Variants in CNTNAP2 observed in about 807,000 individuals in gnomAD.
The protein encoded by CNTNAP2 is contactin associated protein 2.
A neutral mutation model predicts 155.2 loss-of-function variants in CNTNAP2; 98 were observed. The ratio of observed to expected loss-of-function variants is 0.63; its 90% confidence interval spans 0.54 to 0.75. CNTNAP2 has a LOEUF of 0.75. Ranked by LOEUF, CNTNAP2 falls within the 30% of genes least tolerant of loss-of-function variation. The probability of loss-of-function intolerance (pLI) is 0.00; values close to 1 mark genes in which losing one functional copy is unlikely to be tolerated. For missense variants in CNTNAP2, 1,727 were observed against 1,688.1 expected, an observed-to-expected ratio of 1.02 and a Z score of -0.40; for synonymous variants, 651 against 631.2, an observed-to-expected ratio of 1.03 and a Z score of -0.47.
intron 12 of CNTNAP2, among the ~76,000 whole-genome samples, chr7:147,574,906 C>G (rs183293556): frequency 6.6e-6 from 1 of 152,198 alleles, no homozygotes; most frequent in Non-Finnish European, 1.5e-5. Context: ...GTCAAACAGC[C>G]TTAATGCAGT....
rs1416168750 is a variant in CNTNAP2 at position 148,172,414 on chromosome 7, G to C, written c.2946G>C (p.Glu982Asp). The change falls in exon 18 of 24, where the codon GAG (glutamate) becomes GAC (aspartate). Residue 982 changes from glutamate to aspartate, a missense_variant. Coordinates refer to ENST00000361727, the MANE Select transcript of CNTNAP2 (RefSeq NM_014141.6). ...TNCENGGKCL[E>D]RYHGYSCDCS... ...GTGAAAATGGAGGCAAATGCCTAGAGAGATACCACGGTTACTCCTGCGATT... is the reference window on the plus strand; with the variant it reads ...GTGAAAATGGAGGCAAATGCCTAGACAGATACCACGGTTACTCCTGCGATT... 1 of 1,614,184 alleles carries C rather than the reference G, an allele frequency of 6.2e-7. No homozygotes were observed. Among genetic ancestry groups the C allele is most frequent in the South Asian group, 1.1e-5 (1 of 91,088 alleles).
chr7:147,634,590 C>T (rs973217701), intron 12 of CNTNAP2, among the ~76,000 whole-genome samples: 1 of 151,774 alleles, frequency 6.6e-6, no homozygotes, highest in East Asian at 1.9e-4. Context: ...CCCCAAAATA[C>T]TGAAATGAAA....
chr7:148,272,599 A>C (rs1257865882), intron 21 of CNTNAP2, among the ~76,000 whole-genome samples: 1 of 152,224 alleles, frequency 6.6e-6, no homozygotes, highest in East Asian at 1.9e-4. Flanking sequence ...TAAAAATAAT[A>C]AGATGAAATG....
chr7:147,109,170 G>A (rs996648774), intron 5 of CNTNAP2, among the ~76,000 whole-genome samples: 4 of 151,380 alleles, frequency 2.6e-5, no homozygotes, highest in African/African-American at 7.3e-5. Flanking sequence ...TATGAGAGTC[G>A]CAGCAGAACT....
chr7:146,434,509 ATAATC>A (rs1796215010), intron 1 of CNTNAP2, among the ~76,000 whole-genome samples: 1 of 152,160 alleles, frequency 6.6e-6, no homozygotes, highest in Non-Finnish European at 1.5e-5. Context: ...ATTTATGTGA[ATAATC>A]TAAGTTTCTT....
At chr7:147,397,094 ACTT>A (rs1452395682) in intron 10 of CNTNAP2, among the ~76,000 whole-genome samples, 1 of 152,076 alleles carries the variant, frequency 6.6e-6, no homozygotes, top group Admixed American at 6.6e-5. Flanking sequence ...GTAAGATAGA[ACTT>A]CTATAAAGCC....
intron 1 of CNTNAP2, among the ~76,000 whole-genome samples, chr7:146,441,311 G>A (rs1796317688): frequency 6.6e-6 from 1 of 151,444 alleles, no homozygotes; most frequent in Non-Finnish European, 1.5e-5. Context: ...TTTTTGGGGG[G>A]TTTGTGACTA....
intron 15 of CNTNAP2, among the ~76,000 whole-genome samples, chr7:148,015,829 A>C (rs538951780): frequency 2.0e-5 from 3 of 152,206 alleles, no homozygotes; most frequent in Non-Finnish European, 4.4e-5. Context: ...TTAAAATGAA[A>C]GTTTCCAGGT....
At chr7:146,544,100 A>T (rs1193012621) in intron 1 of CNTNAP2, among the ~76,000 whole-genome samples, 2 of 152,010 alleles carry the variant, frequency 1.3e-5, no homozygotes, top group African/African-American at 2.4e-5. Flanking sequence ...CTAATAATTA[A>T]AACTGGGACA....
intron 1 of CNTNAP2, among the ~76,000 whole-genome samples, chr7:146,559,922 C>T (rs950868137): frequency 1.3e-5 from 2 of 152,178 alleles, no homozygotes; most frequent in African/African-American, 4.8e-5. Flanking sequence ...CACCCACACA[C>T]ATTTACATAT....
intron 12 of CNTNAP2, among the ~76,000 whole-genome samples, chr7:147,614,628 T>A (rs1801247472): frequency 6.6e-6 from 1 of 151,532 alleles, no homozygotes; most frequent in Non-Finnish European, 1.5e-5. Context: ...TATTATTATG[T>A]TTTACTTTCT....
rs557842891 is a variant in CNTNAP2, at chr7:146,444,245, A to T, written c.97+327272A>T. Among the ~76,000 whole-genome samples the T allele has an allele frequency of 2.6e-5, 4 of 152,084 alleles. No individual in the cohort carries two copies. The South Asian group carries it at 8.3e-4, about 32-fold the overall frequency. On this transcript the variant is annotated intron_variant, in intron 1 of 23. Coordinates refer to ENST00000361727, the MANE Select transcript of CNTNAP2 (RefSeq NM_014141.6). ...TCACCACGTTGGCCAGGCTGGTCTC[A>T]AACGCCTGACCTCAAGTGATCCACC...
chr7:147,985,112 C>CA (rs34533873), intron 15 of CNTNAP2, among the ~76,000 whole-genome samples: 35,952 of 129,774 alleles, frequency 0.28, 5,639 homozygotes, highest in East Asian at 0.57. Context: ...AAGACTCTGT[C>CA]AAAAAATAAA....
chr7:146,679,341 T>C (rs911651302), intron 1 of CNTNAP2, among the ~76,000 whole-genome samples: 1 of 122,938 alleles, frequency 8.1e-6, no homozygotes, highest in Non-Finnish European at 1.7e-5. Context: ...GGACATGATC[T>C]TGTTTCTTTT....
chr7:147,218,549 C>A (rs979256843), intron 8 of CNTNAP2, among the ~76,000 whole-genome samples: 2 of 145,102 alleles, frequency 1.4e-5, no homozygotes, highest in Admixed American at 7.0e-5. Context: ...ATTTTAGGAT[C>A]TTCCAGCTAT....
chr7:147,440,718 A>T (rs937513820), intron 10 of CNTNAP2, among the ~76,000 whole-genome samples: 1 of 152,148 alleles, frequency 6.6e-6, no homozygotes, highest in African/African-American at 2.4e-5. Flanking sequence ...CGTTCGAAGG[A>T]TATTTTCACC....
intron 1 of CNTNAP2, among the ~76,000 whole-genome samples, chr7:146,125,433 G>C (rs1290379334): frequency 6.6e-6 from 1 of 151,478 alleles, no homozygotes; most frequent in Admixed American, 6.6e-5. Flanking sequence ...AAAATTAGCC[G>C]GGCGTTGTGG....
At chr7:146,965,920 T>A (rs1797649447) in intron 3 of CNTNAP2, among the ~76,000 whole-genome samples, 1 of 152,144 alleles carries the variant, frequency 6.6e-6, no homozygotes, top group Non-Finnish European at 1.5e-5. Context: ...ATCTTCCAGG[T>A]ATCTCCTCTA....
At chr7:147,754,531 A>G (rs577642858) in intron 13 of CNTNAP2, among the ~76,000 whole-genome samples, 2 of 152,366 alleles carry the variant, frequency 1.3e-5, no homozygotes, top group East Asian at 1.9e-4. Context: ...AGGGATATGT[A>G]AAAACTAATG....
Sources: gnomAD v4.1 joint callset for allele counts (sites outside exome capture counted in the v4.1 genomes callset) on GRCh38, gnomAD v4.1.1 for gene constraint, MANE v1.5 for transcripts, NCBI Gene and HGNC (gene_info 2026-07-23, HGNC 2026-07-21) for gene names.